RCCD1: variants seen among roughly 807,000 people sequenced by gnomAD.
RCCD1 encodes the protein RCC1 domain-containing protein 1.
In RCCD1, 40 loss-of-function variants were observed where a neutral mutation model predicts 37.6. That is an observed-to-expected ratio of 1.06 (90% confidence interval 0.83 to 1.39). RCCD1 has a LOEUF of 1.39. Among genes scored for constraint, RCCD1 ranks in the 40% most tolerant of loss-of-function variants. The pLI, the probability that RCCD1 is intolerant of heterozygous loss-of-function variation, is 0.00. For missense variants in RCCD1, 577 were observed against 517.3 expected, an observed-to-expected ratio of 1.12 and a Z score of -1.12; for synonymous variants, 263 against 230.0, an observed-to-expected ratio of 1.14 and a Z score of -1.30.
intron 4 of RCCD1, among the ~76,000 whole-genome samples, chr15:90,959,439 C>T (rs534947323): frequency 2.0e-5 from 3 of 152,280 alleles, no homozygotes; most frequent in South Asian, 2.1e-4. Flanking sequence ...GGGCACAGGC[C>T]GGCCCAGTGG....
intron 7 of RCCD1, 115 bp from the exon 8 acceptor site, chr15:90,961,503 C>G: frequency 8.1e-7 from 1 of 1,235,542 alleles, no homozygotes; most frequent in South Asian, 1.6e-5. Context: ...CTTGGATTCA[C>G]AGAGCAGTGG....
In RCCD1 at chr15:90,957,185, A is replaced by G; in HGVS notation, c.239A>G (p.Glu80Gly). 1.4e-6 allele frequency: 2 copies of G among 1,388,104 alleles called. No individual in the cohort carries two copies. Among genetic ancestry groups the G allele is most frequent in the African/African-American group, 3.1e-5 (2 of 65,298 alleles). 86.0% of individuals were successfully genotyped at this position (1,388,104 alleles called of 1,614,324 possible). A position where few individuals can be genotyped will look rare whatever the true frequency, so the allele number is the denominator to read the frequency against. Residue 80 changes from glutamate to glycine, a missense_variant, in exon 3 of 8, where the codon GAG (glutamate) becomes GGG (glycine). Coordinates refer to ENST00000394258, the MANE Select transcript of RCCD1 (RefSeq NM_001017919.2). ...AGRCKDAWAS[E>G]GLLAVLRAGP... Reference sequence around the variant, plus strand: ...CGCTGCAAGGACGCGTGGGCCTCGGAGGGGCTCCTCGCGGTGCTGCGCGCC... The same window carrying G: ...CGCTGCAAGGACGCGTGGGCCTCGGGGGGGCTCCTCGCGGTGCTGCGCGCC...
rs2151380558 is a variant in RCCD1 at position 90,956,683 on chromosome 15, C to A, written c.-52C>A. 8.0e-7 allele frequency: 1 copy of A among 1,242,778 alleles called. No homozygotes were observed. Among genetic ancestry groups the A allele is most frequent in the Non-Finnish European group, 1.0e-6 (1 of 992,936 alleles). The allele number at this position is 1,242,778 out of a possible 1,614,324, so 77.0% of individuals were successfully genotyped here. On this transcript the variant is annotated 5_prime_UTR_variant, in exon 2 of 8. Coordinates refer to ENST00000394258, the MANE Select transcript of RCCD1 (RefSeq NM_001017919.2). ...CACTAGCGGGCTCTTCGCAAGAATCCCCCCGGGCCCGCCGCAGCCAGGCGG... is the reference window on the plus strand; with the variant it reads ...CACTAGCGGGCTCTTCGCAAGAATCACCCCGGGCCCGCCGCAGCCAGGCGG...
At chr15:90,956,185 G>A (rs2037188873) in intron 1 of RCCD1, among the ~76,000 whole-genome samples, 1 of 152,228 alleles carries the variant, frequency 6.6e-6, no homozygotes, top group Admixed American at 6.5e-5. Flanking sequence ...TCTGCGTTCC[G>A]CTGTGGGGAG....
In RCCD1 at chr15:90,957,492, G is replaced by GGGCGGGGGCAGGTGAGCGGA. The variant is rs763116164; in HGVS notation, c.557+6_557+25dup. 1,143 of 1,557,488 alleles carry GGGCGGGGGCAGGTGAGCGGA rather than the reference G, an allele frequency of 7.3e-4. 1 individual carries two copies. Among genetic ancestry groups the GGGCGGGGGCAGGTGAGCGGA allele is most frequent in the Non-Finnish European group, 9.4e-4 (1,085 of 1,154,632 alleles). On this transcript the variant is annotated stop_gained and frameshift_variant, in exon 3 of 8. Transcript: ENST00000394258. LOFTEE classifies it high-confidence loss of function. ...ACGCTGCTGGCCAGGTGTTCTCCTG[G>GGGCGGGGGCAGGTGAGCGGA]GGCGGGGGCAGGTGAGCGGAGGCGG...
intron 4 of RCCD1, among the ~76,000 whole-genome samples, chr15:90,959,135 G>A (rs1031215013): frequency 2.0e-5 from 3 of 152,030 alleles, no homozygotes; most frequent in African/African-American, 7.3e-5. Context: ...CTGGGACCTC[G>A]GGCCTGGTAC....
chr15:90,958,019 A>G (rs1307391473), intron 4 of RCCD1, among the ~76,000 whole-genome samples: 2 of 152,024 alleles, frequency 1.3e-5, no homozygotes, highest in African/African-American at 4.8e-5. Flanking sequence ...AGTGCTGCCG[A>G]GGGAGTATGG....
intron 1 of RCCD1, 51 bp from the exon 2 acceptor site, chr15:90,956,561 C>A: frequency 1.7e-6 from 1 of 579,570 alleles, no homozygotes; most frequent in Non-Finnish European, 2.5e-6. Flanking sequence ...ACCTTCGTGG[C>A]ACGGACTCTG....
chr15:90,956,469 G>A, intron 1 of RCCD1, 143 bp from the exon 2 acceptor site: 2 of 363,196 alleles, frequency 5.5e-6, no homozygotes, highest in Non-Finnish European at 9.8e-6. Flanking sequence ...TGAGCCAAAA[G>A]GGAGGACAGG....
Position 90,960,472 on chromosome 15 carries a change from G to C in RCCD1, c.923G>C (p.Gly308Ala). The C allele has an allele frequency of 6.2e-7, 1 of 1,611,464 alleles. No individual in the cohort carries two copies. Among genetic ancestry groups the C allele is most frequent in the Non-Finnish European group, 8.5e-7 (1 of 1,179,922 alleles). The change falls in exon 6 of 8, where the codon GGA (glycine) becomes GCA (alanine). Residue 308 changes from glycine (G) to alanine (A), a missense_variant. Transcript: ENST00000394258. ...TCAGATGCAGTCAAGGCCAGCTGTG[G>C]ATCCCGGCACACAGCTGTGGTGACA... is the stretch of plus-strand genomic sequence containing the variant. Reference protein sequence around the residue: ...MGSDAVKASCGSRHTAVVTRT... With the variant: ...MGSDAVKASCASRHTAVVTRT...
rs2037286612 is a variant in RCCD1 at position 90,960,269 on chromosome 15, A to G, written c.779-59A>G. ...AGCTGTTGTGGCAATAAGTGACTGCATGAATAAGATTTAGCTCAGGGCTCA... is the reference window on the plus strand; with the variant it reads ...AGCTGTTGTGGCAATAAGTGACTGCGTGAATAAGATTTAGCTCAGGGCTCA... On this transcript the variant is annotated intron_variant, in intron 5 of 7. Transcript: ENST00000394258. The G allele has an allele frequency of 2.7e-6, 4 of 1,504,036 alleles. No individual in the cohort carries two copies. The East Asian group carries it at 6.8e-5, about 26-fold the overall frequency. The allele number at this position is 1,504,036 out of a possible 1,614,324, so 93.2% of individuals were successfully genotyped here. A position where few individuals can be genotyped will look rare whatever the true frequency, so the allele number is the denominator to read the frequency against.
intron 6 of RCCD1, 74 bp from the exon 7 acceptor site, chr15:90,960,951 G>C (rs3743451): frequency 1.2e-5 from 17 of 1,423,238 alleles, no homozygotes; most frequent in Non-Finnish European, 1.5e-5. Context: ...GCTGTGGGCT[G>C]TGCCAAGCTG....
chr15:90,958,826 G>A (rs1318177805), intron 4 of RCCD1, among the ~76,000 whole-genome samples: 1 of 151,586 alleles, frequency 6.6e-6, no homozygotes, highest in African/African-American at 2.4e-5. Context: ...CAGCTACTCG[G>A]GAGGCTGAGG....
At chr15:90,960,612 C>G in intron 6 of RCCD1, 114 bp downstream of exon 6, 1 of 999,326 alleles carries the variant, frequency 1.0e-6, no homozygotes. Flanking sequence ...AGAGCAGCTA[C>G]CTTGCTCAGT....
At position 90,961,012 on chromosome 15, in the gene RCCD1, CT is replaced by C; in HGVS notation, c.950-9del. The C allele has an allele frequency of 6.3e-7, 1 of 1,588,462 alleles. No homozygotes were observed. The highest frequency in any genetic ancestry group is 2.3e-5 in the East Asian group (1 of 43,718). On this transcript the variant is annotated splice_polypyrimidine_tract_variant and intron_variant, in intron 6 of 7. Coordinates refer to ENST00000394258, the MANE Select transcript of RCCD1 (RefSeq NM_001017919.2). ...ACCGTAGTGACAACTATCGATTGTCCTTTTGCTTTCAGGAACAGGGGAGCTC... is the reference window on the plus strand; with the variant it reads ...ACCGTAGTGACAACTATCGATTGTCCTTTGCTTTCAGGAACAGGGGAGCTC...
chr15:90,961,747 C>T lies in RCCD1; in HGVS notation c.1109C>T (p.Ala370Val). The change falls in exon 8 of 8, where the codon GCT (alanine) becomes GTT (valine). Residue 370 changes from alanine to valine, a missense_variant. Coordinates refer to ENST00000394258, the MANE Select transcript of RCCD1 (RefSeq NM_001017919.2). ...TCGPWNTYVY[A>V]VEKGKS ...GGGCCGTGGAACACCTACGTGTATG[C>T]TGTGGAGAAAGGGAAGAGCTGACAT... The T allele has an allele frequency of 6.2e-7, 1 of 1,613,930 alleles. No homozygotes were observed. Among genetic ancestry groups the T allele is most frequent in the South Asian group, 1.1e-5 (1 of 91,078 alleles).
chr15:90,959,586 C>G lies in RCCD1; in HGVS notation c.680-314C>G, dbSNP rs1045093962. On this transcript the variant is annotated intron_variant, in intron 4 of 7. Transcript: ENST00000394258. Reference sequence around the variant, plus strand: ...CAGGCATGAACCAATGCACCTGGCCCTGGCCCAGTGGTTTTGAAAGGGAGA... The same window carrying G: ...CAGGCATGAACCAATGCACCTGGCCGTGGCCCAGTGGTTTTGAAAGGGAGA... 7.9e-5 allele frequency among the ~76,000 whole-genome samples: 12 copies of G among 152,358 alleles called. No homozygotes were observed. In the East Asian group the frequency reaches 1.4e-3, roughly 17 times the overall value.
Position 90,957,043 on chromosome 15 carries a change from C to T in RCCD1, c.167-70C>T, listed in dbSNP as rs887205139. 4 of 1,297,020 alleles carry T rather than the reference C, an allele frequency of 3.1e-6. No individual in the cohort carries two copies. The Admixed American group carries it at 1.6e-4, about 53-fold the overall frequency. The allele number at this position is 1,297,020 out of a possible 1,614,324, so 80.3% of individuals were successfully genotyped here. On this transcript the variant is annotated intron_variant, in intron 2 of 7. Transcript: ENST00000394258. ...GGTTGGTCCCCAATTCGACCCCTTC[C>T]CAGGAACACCCCGCTCCCCCCATCC...
intron 4 of RCCD1, among the ~76,000 whole-genome samples, chr15:90,958,416 CAGG>C (rs2151381440): frequency 6.6e-6 from 1 of 152,016 alleles, no homozygotes; most frequent in East Asian, 1.9e-4. Context: ...ATCACGAGGT[CAGG>C]AGTTCGAGAT....
Sources: gnomAD v4.1 joint callset for allele counts (sites outside exome capture counted in the v4.1 genomes callset) on GRCh38, gnomAD v4.1.1 for gene constraint, MANE v1.5 for transcripts, NCBI Gene and HGNC (gene_info 2026-07-23, HGNC 2026-07-21) for gene names.